PTPRD: variants seen among roughly 807,000 people sequenced by gnomAD.
The protein encoded by PTPRD is protein tyrosine phosphatase receptor type D.
A neutral mutation model predicts 214.5 loss-of-function variants in PTPRD; 34 were observed. The observed-to-expected ratio is 0.16, with a 90% CI of 0.12 to 0.21. PTPRD has a LOEUF of 0.21. Ranked by LOEUF, PTPRD falls within the 10% of genes least tolerant of loss-of-function variation. The pLI is 1.00. For synonymous variants in PTPRD, 1,128 were observed against 845.7 expected (o/e 1.33, Z -5.79); for missense variants, 2,545 against 2,398.7 (o/e 1.06, Z -1.27).
intron 11 of PTPRD, among the ~76,000 whole-genome samples, chr9:8,899,059 C>T (rs2154249769): frequency 6.6e-6 from 1 of 152,268 alleles, no homozygotes; most frequent in Admixed American, 6.5e-5. Context: ...TGTCTCCCTT[C>T]ATAAATTTCT....
chr9:10,206,580 C>A (rs1448489451), intron 3 of PTPRD, among the ~76,000 whole-genome samples: 1 of 152,134 alleles, frequency 6.6e-6, no homozygotes, highest in Non-Finnish European at 1.5e-5. Context: ...AATACAGGAA[C>A]AGTTCTAAAT....
intron 9 of PTPRD, among the ~76,000 whole-genome samples, chr9:9,238,714 G>T (rs4742577): frequency 0.2 from 30,991 of 151,990 alleles, 3,798 homozygotes; most frequent in Middle Eastern, 0.33. Flanking sequence ...ATGCAATGAG[G>T]TATATTCTAA....
At chr9:9,122,914 T>C (rs1193938618) in intron 10 of PTPRD, among the ~76,000 whole-genome samples, 1 of 152,194 alleles carries the variant, frequency 6.6e-6, no homozygotes, top group Non-Finnish European at 1.5e-5. Flanking sequence ...CTACCACTAT[T>C]AATACAGTTA....
intron 3 of PTPRD, among the ~76,000 whole-genome samples, chr9:10,193,236 C>T (rs1201563175): frequency 6.6e-6 from 1 of 151,764 alleles, no homozygotes; most frequent in East Asian, 1.9e-4. Flanking sequence ...TAAGGTTTTA[C>T]ATAAGTTACA....
intron 9 of PTPRD, among the ~76,000 whole-genome samples, chr9:9,203,811 G>A (rs2099943267): frequency 6.6e-6 from 1 of 152,132 alleles, no homozygotes; most frequent in Non-Finnish European, 1.5e-5. Flanking sequence ...AAAGGTCTTA[G>A]GAAATATGAA....
At chr9:10,222,362 G>A (rs1462091901) in intron 3 of PTPRD, among the ~76,000 whole-genome samples, 1 of 151,884 alleles carries the variant, frequency 6.6e-6, no homozygotes, top group East Asian at 1.9e-4. Context: ...ATAGAAATTG[G>A]CCACTGTTTC....
intron 11 of PTPRD, among the ~76,000 whole-genome samples, chr9:8,758,707 A>G (rs1244491131): frequency 6.6e-6 from 1 of 152,182 alleles, no homozygotes; most frequent in African/African-American, 2.4e-5. Context: ...ATGCTACAAC[A>G]AGACAAACAT....
chr9:8,404,752 A>G (rs2092795575), intron 35 of PTPRD, 92 bp from the exon 36 acceptor site: 5 of 1,429,890 alleles, frequency 3.5e-6, no homozygotes, highest in Non-Finnish European at 4.7e-6. Flanking sequence ...ATGATTTAAA[A>G]GGAAAATTCT....
chr9:8,648,969 T>C (rs576648202), intron 12 of PTPRD, among the ~76,000 whole-genome samples: 2 of 152,234 alleles, frequency 1.3e-5, no homozygotes, highest in African/African-American at 4.8e-5. Context: ...TTCTCTATTC[T>C]AACCTGCTGC....
intron 11 of PTPRD, among the ~76,000 whole-genome samples, chr9:8,740,726 A>T (rs1328678397): frequency 6.6e-6 from 1 of 151,616 alleles, no homozygotes; most frequent in Non-Finnish European, 1.5e-5. Context: ...TGCCCTAAAC[A>T]TGTTTTTATG....
chr9:10,141,717 A>C (rs1425888347), intron 3 of PTPRD, among the ~76,000 whole-genome samples: 410 of 151,456 alleles, frequency 2.7e-3, no homozygotes, highest in African/African-American at 6.2e-3. Flanking sequence ...CATCAAGCTA[A>C]CAATGACTTT....
chr9:9,425,220 G>GA (rs886343855), intron 8 of PTPRD, among the ~76,000 whole-genome samples: 3 of 151,858 alleles, frequency 2.0e-5, no homozygotes, highest in African/African-American at 7.3e-5. Context: ...GCTCCCAGAA[G>GA]AACCATGGCA....
intron 2 of PTPRD, among the ~76,000 whole-genome samples, chr9:10,460,560 A>G (rs369056467): frequency 5.6e-4 from 85 of 152,290 alleles, no homozygotes; most frequent in African/African-American, 2.0e-3. Flanking sequence ...GAGCCCCAAA[A>G]TAAATCTAAA....
chr9:9,222,099 T>C (rs1248978394), intron 9 of PTPRD, among the ~76,000 whole-genome samples: 2 of 152,116 alleles, frequency 1.3e-5, no homozygotes, highest in Non-Finnish European at 2.9e-5. Flanking sequence ...ACTGTAACAA[T>C]ATTAATATTC....
chr9:9,041,105 G>A (rs960268902), intron 10 of PTPRD, among the ~76,000 whole-genome samples: 9 of 151,988 alleles, frequency 5.9e-5, no homozygotes, highest in Admixed American at 3.9e-4. Flanking sequence ...AATATTTGCT[G>A]ATGTATTATA....
At chr9:8,521,094 G>A (rs1162640464) in intron 20 of PTPRD, among the ~76,000 whole-genome samples, 183 bp downstream of exon 20, 1 of 152,044 alleles carries the variant, frequency 6.6e-6, no homozygotes, top group Non-Finnish European at 1.5e-5. Context: ...ATACTTCCAA[G>A]AAAAAATCCG....
intron 4 of PTPRD, among the ~76,000 whole-genome samples, chr9:9,978,376 G>C (rs917995397): frequency 3.9e-5 from 6 of 151,986 alleles, no homozygotes; most frequent in African/African-American, 1.2e-4. Flanking sequence ...AATTAAAATG[G>C]AAACGCTAAA....
At chr9:10,602,793 T>C (rs1478493672) in intron 2 of PTPRD, among the ~76,000 whole-genome samples, 1 of 151,822 alleles carries the variant, frequency 6.6e-6, no homozygotes, top group Non-Finnish European at 1.5e-5. Context: ...TATCCTTACA[T>C]TTTATCTTGC....
intron 39 of PTPRD, among the ~76,000 whole-genome samples, chr9:8,349,382 ACT>A (rs1213991045): frequency 1.3e-5 from 2 of 152,048 alleles, no homozygotes; most frequent in Admixed American, 6.6e-5. Context: ...TCTCCAATTT[ACT>A]CTTTTTTTGT....
Sources: gnomAD v4.1 joint callset for allele counts (sites outside exome capture counted in the v4.1 genomes callset) on GRCh38, gnomAD v4.1.1 for gene constraint, MANE v1.5 for transcripts, NCBI Gene and HGNC (gene_info 2026-07-23, HGNC 2026-07-21) for gene names.